Variants in POLR3B observed in about 807,000 individuals in gnomAD.
The protein encoded by POLR3B is RNA polymerase III subunit B, also known as DNA-directed RNA polymerase III subunit RPC2.
Under a neutral mutation model 147.4 loss-of-function variants are expected in POLR3B, and 96 were observed. That is an observed-to-expected ratio of 0.65 (90% CI 0.55 to 0.77). POLR3B has a LOEUF of 0.77. POLR3B is among the 30% of genes least tolerant of loss of function. The pLI, the probability that POLR3B is intolerant of heterozygous loss-of-function variation, is 0.00. For missense variants in POLR3B, 1,036 were observed against 1,413.5 expected, an observed-to-expected ratio of 0.73 and a Z score of 4.28; for synonymous variants, 461 against 485.9, an observed-to-expected ratio of 0.95 and a Z score of 0.67.
chr12:106,398,623 T>C (rs1233686593), intron 10 of POLR3B, among the ~76,000 whole-genome samples: 4 of 152,150 alleles, frequency 2.6e-5, no homozygotes, highest in Admixed American at 2.0e-4. Flanking sequence ...CAGGTACTCC[T>C]CTGAGACAAA....
At chr12:106,477,274 T>G (rs1410632167) in intron 23 of POLR3B, among the ~76,000 whole-genome samples, 2 of 105,000 alleles carry the variant, frequency 1.9e-5, no homozygotes, top group Non-Finnish European at 3.7e-5. Flanking sequence ...TCTTCAAAGC[T>G]GTCAGACAGG....
At chr12:106,400,047 TAA>T (rs1359800968) in intron 10 of POLR3B, among the ~76,000 whole-genome samples, 4 of 152,112 alleles carry the variant, frequency 2.6e-5, no homozygotes, top group African/African-American at 4.8e-5. Flanking sequence ...GCAAATTGGA[TAA>T]AGAGTCAAGA....
At chr12:106,406,797 TTA>T (rs2037157740) in intron 11 of POLR3B, among the ~76,000 whole-genome samples, 3 of 152,248 alleles carry the variant, frequency 2.0e-5, no homozygotes, top group African/African-American at 7.2e-5. Flanking sequence ...TTCTTCCCAT[TTA>T]ATGTATATGC....
At chr12:106,451,410 T>C (rs2037793927) in intron 19 of POLR3B, among the ~76,000 whole-genome samples, 2 of 152,008 alleles carry the variant, frequency 1.3e-5, no homozygotes, top group African/African-American at 4.8e-5. Context: ...GGCGGATCAC[T>C]TGAGGTTGAG....
chr12:106,495,872 T>C, intron 23 of POLR3B, 183 bp from the exon 24 acceptor site: 1 of 692,306 alleles, frequency 1.4e-6, no homozygotes, highest in Non-Finnish European at 2.6e-6. Context: ...GCAAGGAGAG[T>C]CGTTTTTGAA....
chr12:106,359,214 GAAAAC>G (rs1450782094), intron 1 of POLR3B, among the ~76,000 whole-genome samples: 4 of 151,968 alleles, frequency 2.6e-5, no homozygotes, highest in Non-Finnish European at 5.9e-5. Context: ...TTGTCTCAAG[GAAAAC>G]AAAACAAAAC....
At chr12:106,464,986 A>C (rs1376835969) in intron 23 of POLR3B, among the ~76,000 whole-genome samples, 1 of 152,220 alleles carries the variant, frequency 6.6e-6, no homozygotes, top group Non-Finnish European at 1.5e-5. Flanking sequence ...CCATCTGTTA[A>C]TGTGAATTTG....
intron 25 of POLR3B, among the ~76,000 whole-genome samples, chr12:106,497,655 A>G (rs750829351): frequency 2.6e-5 from 4 of 152,226 alleles, no homozygotes; most frequent in Admixed American, 6.5e-5. Context: ...ACATTTGTGC[A>G]TGTGTTCACT....
At chr12:106,428,422 C>A (rs2037464465) in intron 13 of POLR3B, among the ~76,000 whole-genome samples, 1 of 152,140 alleles carries the variant, frequency 6.6e-6, no homozygotes, top group Admixed American at 6.5e-5. Context: ...AAAGATCAAC[C>A]TTTAAAATTC....
At chr12:106,491,703 A>G (rs12318744) in intron 23 of POLR3B, among the ~76,000 whole-genome samples, 3,894 of 152,324 alleles carry the variant, frequency 0.026, 62 homozygotes, top group South Asian at 0.047. Flanking sequence ...TGAATTGTAT[A>G]AATGTATGCA....
At chr12:106,387,353 T>A (rs2036854918) in intron 9 of POLR3B, among the ~76,000 whole-genome samples, 1 of 152,202 alleles carries the variant, frequency 6.6e-6, no homozygotes, top group Admixed American at 6.5e-5. Context: ...TAGGCGTCAT[T>A]TTTTTCCCCA....
chr12:106,429,285 G>A (rs776929178), intron 13 of POLR3B, among the ~76,000 whole-genome samples: 27 of 152,048 alleles, frequency 1.8e-4, no homozygotes, highest in Non-Finnish European at 1.9e-4. Flanking sequence ...AAATACAGAC[G>A]TGCACCACCA....
rs138367085 is a variant in POLR3B at position 106,395,143 on chromosome 12, G to A, written c.846+1990G>A. Among the ~76,000 whole-genome samples, 1,068 of 152,188 alleles carry A rather than the reference G, an allele frequency of 7.0e-3. 17 individuals carry two copies. Among genetic ancestry groups the A allele is most frequent in the African/African-American group, 0.025 (1,026 of 41,528 alleles). On this transcript the variant is annotated intron_variant, in intron 10 of 27. Coordinates refer to ENST00000228347, the MANE Select transcript of POLR3B (RefSeq NM_018082.6). ...GCTGCTTGGGAGGCTGAGGCAGGAG[G>A]ATCACTTGAGCCTGAGAGGTCAAGG...
At chr12:106,393,181 A>G (rs985948619) in intron 10 of POLR3B, 28 bp downstream of exon 10, 14 of 1,613,412 alleles carry the variant, frequency 8.7e-6, no homozygotes, top group African/African-American at 2.7e-5. Flanking sequence ...GTCCTTTGCT[A>G]TGAAATGGAA....
intron 9 of POLR3B, among the ~76,000 whole-genome samples, chr12:106,382,747 G>A (rs2036780443): frequency 6.6e-6 from 1 of 152,160 alleles, no homozygotes; most frequent in Non-Finnish European, 1.5e-5. Flanking sequence ...CATTGGTAGG[G>A]CACATGCAGA....
intron 21 of POLR3B, among the ~76,000 whole-genome samples, chr12:106,457,578 C>T (rs1462951728): frequency 1.3e-5 from 2 of 152,174 alleles, no homozygotes; most frequent in African/African-American, 4.8e-5. Flanking sequence ...TAGTTTATGT[C>T]CCTGCATCTG....
intron 19 of POLR3B, among the ~76,000 whole-genome samples, chr12:106,448,274 A>G (rs2037748917): frequency 6.6e-6 from 1 of 151,976 alleles, no homozygotes. Flanking sequence ...AATTGAGTAC[A>G]CTAAGTTTAG....
intron 17 of POLR3B, 28 bp downstream of exon 17, chr12:106,437,159 A>G (rs1565896278): frequency 8.9e-6 from 12 of 1,350,258 alleles, no homozygotes; most frequent in Non-Finnish European, 1.2e-5. Flanking sequence ...AAACTTACCA[A>G]TCTCCTTAAT....
rs371496625 is a variant in POLR3B at position 106,427,355 on chromosome 12, T to A, written c.1260T>A (p.Ser420=). ...CCAATGGCATGGTGAATGCTATTTCTACCGTAAGTCTTCAGTCACTCTTTT... is the reference window on the plus strand; with the variant it reads ...CCAATGGCATGGTGAATGCTATTTCAACCGTAAGTCTTCAGTCACTCTTTT... ...QITNGMVNAI[S]TGNWSLKRFK... The change falls in exon 13 of 28, where the codon TCT becomes TCA. Residue 420 remains serine (S), a synonymous_variant. Coordinates refer to ENST00000228347, the MANE Select transcript of POLR3B (RefSeq NM_018082.6). 6.2e-7 allele frequency: 1 copy of A among 1,612,980 alleles called. No homozygotes were observed. Among genetic ancestry groups the A allele is most frequent in the East Asian group, 2.2e-5 (1 of 44,844 alleles).
Sources: allele counts gnomAD v4.1 joint callset (sites outside exome capture counted in the v4.1 genomes callset), GRCh38; gene constraint gnomAD v4.1.1; transcripts MANE v1.5; gene names NCBI Gene and HGNC (gene_info 2026-07-23, HGNC 2026-07-21).